WASF3: variants seen among roughly 807,000 people sequenced by gnomAD.
WASF3 encodes actin-binding protein WASF3.
A neutral mutation model predicts 46.6 loss-of-function variants in WASF3; 11 were observed. That is an observed-to-expected ratio of 0.24 (90% CI 0.15 to 0.39). WASF3 has a LOEUF of 0.39. Among genes scored for constraint, WASF3 ranks in the 10% least tolerant of loss-of-function variants. The pLI is 1.00. For synonymous variants in WASF3, 242 were observed against 259.7 expected (o/e 0.93, Z 0.65); for missense variants, 576 against 669.8 (o/e 0.86, Z 1.55).
At chr13:26,589,445 A>G (rs1047009416) in intron 1 of WASF3, among the ~76,000 whole-genome samples, 1 of 152,208 alleles carries the variant, frequency 6.6e-6, no homozygotes, top group Non-Finnish European at 1.5e-5. Context: ...GGGATGGGCA[A>G]CCATATGGCT....
At chr13:26,640,119 A>G (rs921862414) in intron 2 of WASF3, among the ~76,000 whole-genome samples, 1 of 151,988 alleles carries the variant, frequency 6.6e-6, no homozygotes, top group Non-Finnish European at 1.5e-5. Context: ...TTTTCCATCT[A>G]TTGGAATTAG....
chr13:26,613,844 C>T (rs1278856186), intron 2 of WASF3, among the ~76,000 whole-genome samples: 1 of 152,044 alleles, frequency 6.6e-6, no homozygotes, highest in Non-Finnish European at 1.5e-5. Flanking sequence ...TGGTGGTGAT[C>T]GTGATAGTGG....
intron 1 of WASF3, among the ~76,000 whole-genome samples, chr13:26,561,661 A>G (rs1879299631): frequency 6.6e-6 from 1 of 152,156 alleles, no homozygotes; most frequent in Non-Finnish European, 1.5e-5. Context: ...AGACTGGGGG[A>G]TGTTTCACAT....
upstream of WASF3, among the ~76,000 whole-genome samples, chr13:26,557,348 G>T (rs1287411659): frequency 6.6e-6 from 1 of 152,148 alleles, no homozygotes; most frequent in African/African-American, 2.4e-5. Context: ...GGATATAAGC[G>T]CAAACTCAAA....
In WASF3 at chr13:26,682,538, G is replaced by A. The variant is rs1036956928; in HGVS notation, c.984-69G>A. On this transcript the variant is annotated intron_variant, in intron 8 of 9. Transcript: ENST00000335327. The surrounding 1 kb of genome is among the most constrained non-coding windows in gnomAD (Gnocchi z 4.4). ...GTGTCTGGGGATGGCTCCGTTAGGT[G>A]TCTAAGAGCTCCCAGGACGTGACCC... 22 of 1,599,380 alleles carry A rather than the reference G, an allele frequency of 1.4e-5. No individual in the cohort carries two copies. Among genetic ancestry groups the A allele is most frequent in the East Asian group, 4.5e-5 (2 of 44,820 alleles).
At chr13:26,666,130 T>C (rs1178465065) in intron 4 of WASF3, among the ~76,000 whole-genome samples, 1 of 152,200 alleles carries the variant, frequency 6.6e-6, no homozygotes, top group African/African-American at 2.4e-5. Flanking sequence ...ATTACAAATA[T>C]AACAAAAATG....
intron 2 of WASF3, chr13:26,619,531 C>T (rs960315745): frequency 6.6e-6 from 1 of 152,058 alleles, no homozygotes; most frequent in African/African-American, 2.4e-5. Flanking sequence ...GGGGTGGATA[C>T]AAATATCTGG....
intron 1 of WASF3, among the ~76,000 whole-genome samples, chr13:26,597,243 A>G (rs944504920): frequency 3.9e-5 from 6 of 152,020 alleles, no homozygotes; most frequent in East Asian, 1.9e-4. Context: ...AGCCATTCTT[A>G]TGCCTCAGCC....
intron 2 of WASF3, among the ~76,000 whole-genome samples, chr13:26,635,100 T>C (rs1305653407): frequency 6.6e-6 from 1 of 152,244 alleles, no homozygotes; most frequent in African/African-American, 2.4e-5. Flanking sequence ...TTGATTCCAT[T>C]CTCCCTGTTA....
intron 1 of WASF3, among the ~76,000 whole-genome samples, chr13:26,567,740 TTGCTTTCTTTACTA>T (rs1447404131): frequency 6.6e-6 from 1 of 152,004 alleles, no homozygotes; most frequent in East Asian, 1.9e-4. Context: ...TTCACTTGCT[TTGCTTTCTTTACTA>T]TGCTTTCTTT....
chr13:26,685,862 A>G lies in WASF3; in HGVS notation c.*17A>G. The G allele has an allele frequency of 1.9e-6, 3 of 1,606,456 alleles. No homozygotes were observed. Among genetic ancestry groups the G allele is most frequent in the East Asian group, 2.2e-5 (1 of 44,614 alleles). ...TCCGACTGAGCAAAGGCCGGCGGAG[A>G]GGCCGCGTGTGGGAGCGTGTTGAAG... On this transcript the variant is annotated 3_prime_UTR_variant, in exon 10 of 10. Transcript: ENST00000335327.
chr13:26,587,837 T>C (rs1435757210), intron 1 of WASF3, among the ~76,000 whole-genome samples: 4 of 152,218 alleles, frequency 2.6e-5, no homozygotes, highest in South Asian at 2.1e-4. Flanking sequence ...TTGGTGAATG[T>C]CAGTCACTAT....
At chr13:26,598,600 A>T (rs1458217155) in intron 1 of WASF3, among the ~76,000 whole-genome samples, 5 of 152,196 alleles carry the variant, frequency 3.3e-5, no homozygotes, top group African/African-American at 7.2e-5. Flanking sequence ...AAGTAGCATT[A>T]ATTAGAGTCA....
intron 1 of WASF3, among the ~76,000 whole-genome samples, chr13:26,586,813 A>G (rs1332794152): frequency 6.6e-6 from 1 of 152,186 alleles, no homozygotes. Context: ...AGATGTTTGC[A>G]GGTGCTTTTA....
Position 26,671,990 on chromosome 13 carries a change from G to A in WASF3, c.540+1G>A. 2 of 1,590,720 alleles carry A rather than the reference G, an allele frequency of 1.3e-6. No homozygotes were observed. Among genetic ancestry groups the A allele is most frequent in the Non-Finnish European group, 1.7e-6 (2 of 1,164,092 alleles). ...AAGGAAAGAGAAAAGGCGTCAAAAG[G>A]TAAATAATTTCAGTATGGGAAATGT... On this transcript the variant is annotated splice_donor_variant, in intron 6 of 9. Coordinates refer to ENST00000335327, the MANE Select transcript of WASF3 (RefSeq NM_006646.6). LOFTEE classifies it high-confidence loss of function.
chr13:26,631,966 CTTTG>C lies in WASF3; in HGVS notation c.-10-10289_-10-10286del, dbSNP rs1212744519. On this transcript the variant is annotated intron_variant, in intron 2 of 9. Coordinates refer to ENST00000335327, the MANE Select transcript of WASF3 (RefSeq NM_006646.6). ...ATGGGAGTTCACTCATGATTTGGCT[CTTTG>C]TTTGTCTGTTATTGGTGTATAGGAA... Among the ~76,000 whole-genome samples, 15 of 152,228 alleles carry C rather than the reference CTTTG, an allele frequency of 9.9e-5. No homozygotes were observed. The South Asian group carries it at 2.5e-3, about 25-fold the overall frequency.
chr13:26,654,363 A>G (rs1882407077), intron 3 of WASF3, among the ~76,000 whole-genome samples: 3 of 152,214 alleles, frequency 2.0e-5, no homozygotes, highest in South Asian at 4.2e-4. Context: ...GGCTTTTGTG[A>G]CCACTGAAAT....
In WASF3 at chr13:26,681,448, T is replaced by A. The variant is rs577196574; in HGVS notation, c.983+128T>A. ...AGAGTCAAGGATGACTGGATGTAGA[T>A]ACTAGCAACTCTAACATTCTGTGTG... On this transcript the variant is annotated intron_variant, in intron 8 of 9. Coordinates refer to ENST00000335327, the MANE Select transcript of WASF3 (RefSeq NM_006646.6). 9.9e-6 allele frequency: 11 copies of A among 1,112,928 alleles called. No individual in the cohort carries two copies. The South Asian group carries it at 1.5e-4, about 15-fold the overall frequency. The allele number at this position is 1,112,928 out of a possible 1,614,324, so 68.9% of individuals were successfully genotyped here.
At chr13:26,573,234 C>G (rs757685197) in intron 1 of WASF3, among the ~76,000 whole-genome samples, 2 of 152,092 alleles carry the variant, frequency 1.3e-5, no homozygotes, top group Non-Finnish European at 2.9e-5. Flanking sequence ...TCCATTTCAT[C>G]TAGGCTTTTA....
Sources: allele counts gnomAD v4.1 joint callset (sites outside exome capture counted in the v4.1 genomes callset), GRCh38; gene constraint gnomAD v4.1.1; non-coding constraint Gnocchi (gnomAD v3.1); transcripts MANE v1.5; gene names NCBI Gene and HGNC (gene_info 2026-07-23, HGNC 2026-07-21).